The following CES5A variants were observed in gnomAD, a reference collection of about 807,000 sequenced individuals.
The protein encoded by CES5A is carboxylesterase 5A, also known as carboxylesterase 5.
Under a neutral mutation model 62.9 loss-of-function variants are expected in CES5A, and 67 were observed. That is an observed-to-expected ratio of 1.07 (90% confidence interval 0.88 to 1.31). The LOEUF (loss-of-function observed/expected upper bound fraction) is 1.31. CES5A is among the 50% of genes most tolerant of loss of function. CES5A has a pLI of 0.00. For synonymous variants in CES5A, 296 were observed against 280.8 expected (o/e 1.05, Z -0.54); for missense variants, 748 against 708.5 (o/e 1.06, Z -0.63).
At chr16:55,939,893 A>G (rs1336644221) in intron 2 of CES5A, among the ~76,000 whole-genome samples, 1 of 152,154 alleles carries the variant, frequency 6.6e-6, no homozygotes, top group Non-Finnish European at 1.5e-5. Context: ...CTAAATGCTA[A>G]CATATTAAAC....
intron 1 of CES5A, among the ~76,000 whole-genome samples, chr16:55,882,670 C>A (rs963948242): frequency 6.6e-6 from 1 of 152,198 alleles, no homozygotes; most frequent in African/African-American, 2.4e-5. Flanking sequence ...CTTCACATAC[C>A]AAGGAGACTT....
chr16:55,897,888 CAATGAAAAAG>C (rs2033950375), intron 1 of CES5A, among the ~76,000 whole-genome samples: 1 of 152,118 alleles, frequency 6.6e-6, no homozygotes, highest in Non-Finnish European at 1.5e-5. Flanking sequence ...CGCTATACAG[CAATGAAAAAG>C]AATGAACTGC....
intron 2 of CES5A, among the ~76,000 whole-genome samples, chr16:55,937,681 C>T (rs527800003): frequency 4.6e-5 from 7 of 152,320 alleles, no homozygotes; most frequent in African/African-American, 1.7e-4. Context: ...AGTTGTGAGT[C>T]TGGATGGTGT....
At chr16:55,940,440 A>G (rs1320278831) in intron 2 of CES5A, among the ~76,000 whole-genome samples, 1 of 152,030 alleles carries the variant, frequency 6.6e-6, no homozygotes, top group Non-Finnish European at 1.5e-5. Context: ...ATAAAATTGA[A>G]CAATTCTTGG....
upstream of CES5A, among the ~76,000 whole-genome samples, chr16:55,877,466 GTA>G (rs10691094): frequency 0.5 from 73,683 of 147,470 alleles, 18,064 homozygotes; most frequent in African/African-American, 0.55. Flanking sequence ...GTGTGTGTGT[GTA>G]TATATATATA....
At position 55,869,708 on chromosome 16, in the gene CES5A, C is replaced by T; in HGVS notation, c.454G>A (p.Gly152Ser). Reference sequence around the variant, plus strand: ...GACCCATCAAAGATGGAGGCTGAGCCAGTCTTGAAGGCACCTCCTGGGAAC... The same window carrying T: ...GACCCATCAAAGATGGAGGCTGAGCTAGTCTTGAAGGCACCTCCTGGGAAC... ...VWFPGGAFKT[G>S]SASIFDGSAL... The change falls in exon 4 of 13, where the codon GGC (glycine) becomes AGC (serine). Residue 152 changes from glycine to serine, a missense_variant. By Grantham distance (56) the Gly-to-Ser change is moderately conservative (BLOSUM62 0). Coordinates refer to ENST00000290567, the MANE Select transcript of CES5A (RefSeq NM_001143685.2). The T allele has an allele frequency of 6.2e-7, 1 of 1,609,302 alleles. No homozygotes were observed. The highest frequency in any genetic ancestry group is 1.1e-5 in the South Asian group (1 of 90,204).
chr16:55,946,631 C>T (rs1009402464), intron 2 of CES5A, among the ~76,000 whole-genome samples: 6 of 152,142 alleles, frequency 3.9e-5, no homozygotes, highest in African/African-American at 1.2e-4. Flanking sequence ...AGAGTGTGTA[C>T]CTTGGGTTGA....
intron 11 of CES5A, 32 bp downstream of exon 11, chr16:55,849,592 A>G (rs767061553): frequency 6.2e-7 from 1 of 1,611,746 alleles, no homozygotes; most frequent in South Asian, 1.1e-5. Context: ...AAGGGGCTTC[A>G]TGTGAACTGT....
intron 1 of CES5A, among the ~76,000 whole-genome samples, chr16:55,915,813 T>C (rs1323845824): frequency 6.6e-6 from 1 of 152,202 alleles, no homozygotes; most frequent in Admixed American, 6.5e-5. Context: ...GATGTCTGAC[T>C]TGATGATGGA....
chr16:55,846,908 T>C (rs1411435682), intron 11 of CES5A, 68 bp from the exon 12 acceptor site: 32 of 1,317,658 alleles, frequency 2.4e-5, no homozygotes, highest in Non-Finnish European at 2.2e-6. Context: ...TGCCTTGTAT[T>C]TGATTAATCC....
At chr16:55,934,510 TGAG>T (rs1392353306) in intron 2 of CES5A, among the ~76,000 whole-genome samples, 2 of 152,202 alleles carry the variant, frequency 1.3e-5, no homozygotes, top group Admixed American at 1.3e-4. Flanking sequence ...AGGGATTAAA[TGAG>T]ATTATGCATA....
intron 1 of CES5A, among the ~76,000 whole-genome samples, chr16:55,909,845 C>T (rs2034076176): frequency 6.6e-6 from 1 of 152,306 alleles, no homozygotes; most frequent in African/African-American, 2.4e-5. Flanking sequence ...CCTCCATCCT[C>T]AAAATGAGGG....
At chr16:55,891,821 T>C (rs988261161) in intron 1 of CES5A, among the ~76,000 whole-genome samples, 2 of 152,204 alleles carry the variant, frequency 1.3e-5, no homozygotes, top group Non-Finnish European at 2.9e-5. Context: ...TATTTAACCC[T>C]CTATATCATG....
chr16:55,889,814 C>A (rs1419740319), intron 1 of CES5A, among the ~76,000 whole-genome samples: 3 of 152,144 alleles, frequency 2.0e-5, no homozygotes, highest in African/African-American at 4.8e-5. Context: ...TATCTGGGAG[C>A]CCCCAGCCAT....
In CES5A at chr16:55,861,432, C is replaced by T. The variant is rs375422656; in HGVS notation, c.895G>A (p.Glu299Lys). Residue 299 changes from glutamate to lysine, a missense_variant, in exon 7 of 13, where the codon GAG becomes AAG. Glu to Lys is a moderately conservative substitution (Grantham distance 56, BLOSUM62 1). Coordinates refer to ENST00000290567, the MANE Select transcript of CES5A (RefSeq NM_001143685.2). ...CTCACCTGGCTGAGGGTCAGCAGCT[C>T]CTTGGAGGGTTTTGTCCTCAGGCAC... ...LRCLRTKPSKELLTLSQKTKS... is the reference protein window; with the variant it reads ...LRCLRTKPSKKLLTLSQKTKS... 9.3e-6 allele frequency: 15 copies of T among 1,613,264 alleles called. No homozygotes were observed. The South Asian group carries it at 1.4e-4, about 15-fold the overall frequency.
intron 1 of CES5A, among the ~76,000 whole-genome samples, chr16:55,904,269 G>A (rs538143879): frequency 3.9e-5 from 6 of 152,348 alleles, no homozygotes; most frequent in African/African-American, 1.2e-4. Flanking sequence ...TGGGGCCAAA[G>A]CCAAGGCTAG....
intron 2 of CES5A, among the ~76,000 whole-genome samples, chr16:55,947,958 GACTTTGGTTTTAAAAGATCCTTTTC>G (rs1172832540): frequency 6.6e-6 from 1 of 152,048 alleles, no homozygotes; most frequent in Non-Finnish European, 1.5e-5. Flanking sequence ...CACACGAATG[GACTTTGGTTTTAAAAGATCCTTTTC>G]ACTGCTGTGT....
intron 1 of CES5A, among the ~76,000 whole-genome samples, chr16:55,904,875 A>G (rs963328193): frequency 2.6e-5 from 4 of 152,124 alleles, no homozygotes; most frequent in Non-Finnish European, 4.4e-5. Flanking sequence ...CTCCCCCTAC[A>G]TCAGTCTAGA....
chr16:55,874,478 C>CTTTT (rs35379811), intron 1 of CES5A, among the ~76,000 whole-genome samples: 1 of 146,702 alleles, frequency 6.8e-6, no homozygotes. Flanking sequence ...TTGCTGGCTT[C>CTTTT]TTTTTTTTTT....
Sources: allele counts gnomAD v4.1 joint callset (sites outside exome capture counted in the v4.1 genomes callset), GRCh38; gene constraint gnomAD v4.1.1; transcripts MANE v1.5; gene names NCBI Gene and HGNC (gene_info 2026-07-23, HGNC 2026-07-21).